Variants in CLTCL1 observed in about 807,000 individuals in gnomAD.
The protein encoded by CLTCL1 is clathrin heavy chain like 1.
In CLTCL1, 159 loss-of-function variants were observed where a neutral mutation model predicts 190.0. The observed-to-expected ratio is 0.84, with a 90% CI of 0.74 to 0.95. CLTCL1 has a LOEUF of 0.95. Ranked by LOEUF, CLTCL1 falls within the 40% of genes least tolerant of loss-of-function variation. CLTCL1 has a pLI of 0.00. For missense variants in CLTCL1, 1,878 were observed against 2,033.4 expected, an observed-to-expected ratio of 0.92 and a Z score of 1.47; for synonymous variants, 752 against 769.6, an observed-to-expected ratio of 0.98 and a Z score of 0.38.
intron 18 of CLTCL1, among the ~76,000 whole-genome samples, chr22:19,217,786 T>G (rs1555950339): frequency 6.7e-6 from 1 of 149,370 alleles, no homozygotes; most frequent in African/African-American, 2.5e-5. Flanking sequence ...AAGTGGAGGT[T>G]GCAGTGAGCC....
chr22:19,212,412 A>C (rs1337505911), intron 19 of CLTCL1, among the ~76,000 whole-genome samples: 11 of 151,370 alleles, frequency 7.3e-5, no homozygotes, highest in African/African-American at 2.2e-4. Context: ...AAAAAAAAAA[A>C]AACAACTAGC....
intron 18 of CLTCL1, among the ~76,000 whole-genome samples, chr22:19,218,274 T>A (rs1016145479): frequency 1.3e-5 from 2 of 152,210 alleles, no homozygotes. Flanking sequence ...GTGGCTGGAC[T>A]ATACCTGGAG....
chr22:19,267,119 T>C (rs1275602531), intron 2 of CLTCL1, among the ~76,000 whole-genome samples: 1 of 152,128 alleles, frequency 6.6e-6, no homozygotes, highest in Non-Finnish European at 1.5e-5. Flanking sequence ...AGAATAAGTT[T>C]AATAAGTATA....
At chr22:19,202,545 T>C (rs77080990) in intron 22 of CLTCL1, among the ~76,000 whole-genome samples, 1,123 of 13,608 alleles carry the variant, frequency 0.083, 6 homozygotes, top group East Asian at 0.16. Flanking sequence ...CCCCTCCTTC[T>C]GTCATCCATG....
chr22:19,252,315 C>T (rs2086617403), intron 3 of CLTCL1, among the ~76,000 whole-genome samples: 1 of 152,172 alleles, frequency 6.6e-6, no homozygotes, highest in African/African-American at 2.4e-5. Context: ...CAGTCTGGCC[C>T]CCAATCATCT....
In CLTCL1 at chr22:19,219,980, T is replaced by A. The variant is rs782282158; in HGVS notation, c.2824A>T (p.Ser942Cys). Residue 942 changes from serine (S) to cysteine (C), a missense_variant, in exon 18 of 33, where the codon AGC becomes TGC. By Grantham distance (112) the Ser-to-Cys change is moderately radical. Transcript: ENST00000427926. ...CTGCATACCAGGTAGCGGGCCTCGC[T>A]TTTGAACAGAGAATTCTCATTGCAC... ...KVCNENSLFK[S>C]EARYLVCRKD... 2.5e-6 allele frequency: 4 copies of A among 1,613,938 alleles called. No individual in the cohort carries two copies. The East Asian group carries it at 8.9e-5, about 36-fold the overall frequency.
chr22:19,195,857 T>TA (rs74936976), intron 26 of CLTCL1, among the ~76,000 whole-genome samples: 115 of 133,822 alleles, frequency 8.6e-4, no homozygotes, highest in African/African-American at 2.4e-3. Context: ...AGACATGAAC[T>TA]AAAAAAAAAA....
intron 2 of CLTCL1, among the ~76,000 whole-genome samples, chr22:19,272,988 C>A (rs554512412): frequency 6.7e-4 from 102 of 152,236 alleles, no homozygotes; most frequent in African/African-American, 2.4e-3. Flanking sequence ...GAGCCCCTTT[C>A]CAATCACAAA....
chr22:19,289,559 A>G (rs528166422), intron 1 of CLTCL1, among the ~76,000 whole-genome samples: 2 of 152,324 alleles, frequency 1.3e-5, no homozygotes, highest in Admixed American at 1.3e-4. Context: ...CAGCTATGAG[A>G]CAAGAGCTTC....
intron 2 of CLTCL1, 137 bp downstream of exon 2, chr22:19,275,486 G>T: frequency 2.2e-6 from 2 of 925,674 alleles, no homozygotes; most frequent in Non-Finnish European, 3.2e-6. Context: ...CATAACTTTT[G>T]CTAAAACTTT....
chr22:19,286,976 C>G (rs1177252083), intron 1 of CLTCL1, among the ~76,000 whole-genome samples: 1 of 152,150 alleles, frequency 6.6e-6, no homozygotes, highest in Non-Finnish European at 1.5e-5. Context: ...AACATGTTTA[C>G]GTTTTCTGTG....
chr22:19,256,354 C>CTTTTTTTTTTTTTTTTTTTTTTTTCT (rs1239133099), intron 2 of CLTCL1, among the ~76,000 whole-genome samples: 1 of 104,340 alleles, frequency 9.6e-6, no homozygotes, highest in Non-Finnish European at 1.9e-5. Flanking sequence ...TTTCTTTTAT[C>CTTTTTTTTTTTTTTTTTTTTTTTTCT]TTTTTTTTTT....
intron 3 of CLTCL1, among the ~76,000 whole-genome samples, chr22:19,244,142 T>C (rs782215796): frequency 1.3e-5 from 2 of 152,222 alleles, no homozygotes; most frequent in South Asian, 2.1e-4. Context: ...TGAGCTCACA[T>C]ATAGTCGTGG....
rs782295825 is a variant in CLTCL1 at position 19,257,755 on chromosome 22, A to G, written c.251-3528T>C. The G allele has an allele frequency of 4.4e-6, 6 of 1,371,596 alleles. No individual in the cohort carries two copies. In the South Asian group the frequency reaches 6.8e-5, roughly 16 times the overall value. The allele number at this position is 1,371,596 out of a possible 1,614,324, so 85.0% of individuals were successfully genotyped here. A position where few individuals can be genotyped will look rare whatever the true frequency, so the allele number is the denominator to read the frequency against. ...GGTCTGGCAGGAATAGGGGGCATCT[A>G]GAATGAGAAGGAGACCATGCAAAGC... On this transcript the variant is annotated intron_variant, in intron 2 of 32. Coordinates refer to ENST00000427926, the MANE Select transcript of CLTCL1 (RefSeq NM_007098.4).
chr22:19,235,174 T>TC (rs1316228879), intron 6 of CLTCL1, among the ~76,000 whole-genome samples: 1 of 151,978 alleles, frequency 6.6e-6, no homozygotes, highest in African/African-American at 2.4e-5. Context: ...CCGACTTTTT[T>TC]TTTTTTTTCC....
At position 19,216,191 on chromosome 22, in the gene CLTCL1, A is replaced by G; in HGVS notation, c.2985T>C (p.Phe995=). ...GTTCATTAGGCAGGTCGGCTGTCATAAAGGCTTTGACAGTGACCGAAATCT... is the reference window on the plus strand; with the variant it reads ...GTTCATTAGGCAGGTCGGCTGTCATGAAGGCTTTGACAGTGACCGAAATCT... ...PEEISVTVKA[F]MTADLPNELI... is the part of the protein sequence containing the mutation. Residue 995 remains phenylalanine, a synonymous_variant, in exon 19 of 33, where the codon TTT becomes TTC. Coordinates refer to ENST00000427926, the MANE Select transcript of CLTCL1 (RefSeq NM_007098.4). The G allele has an allele frequency of 6.2e-7, 1 of 1,613,948 alleles. No individual in the cohort carries two copies. Among genetic ancestry groups the G allele is most frequent in the East Asian group, 2.2e-5 (1 of 44,886 alleles).
chr22:19,220,923 G>A (rs182324923), intron 17 of CLTCL1, among the ~76,000 whole-genome samples: 3 of 152,288 alleles, frequency 2.0e-5, no homozygotes, highest in African/African-American at 7.2e-5. Context: ...GTCAGGTGAT[G>A]GGGAAGGGCT....
In CLTCL1 at chr22:19,222,703, A is replaced by G. The variant is rs1268828381; in HGVS notation, c.2399T>C (p.Ile800Thr). 6.3e-7 allele frequency: 1 copy of G among 1,592,566 alleles called. No homozygotes were observed. Among genetic ancestry groups the G allele is most frequent in the Non-Finnish European group, 8.5e-7 (1 of 1,169,598 alleles). Residue 800 changes from isoleucine to threonine, a missense_variant, in exon 15 of 33, where the codon ATT (isoleucine) becomes ACT (threonine). Ile to Thr is a moderately conservative substitution (Grantham distance 89). Coordinates refer to ENST00000427926, the MANE Select transcript of CLTCL1 (RefSeq NM_007098.4). ...CAGTACCTTCTGCACGTAGATCTCA[A>G]TGTACCTCTGCAGGTTGTTGCGGTA... ...YLYRNNLQRY[I>T]EIYVQKVNPS... is the part of the protein sequence containing the mutation.
chr22:19,291,426 A>C (rs1206479047), intron 1 of CLTCL1, among the ~76,000 whole-genome samples, 174 bp downstream of exon 1: 1 of 152,078 alleles, frequency 6.6e-6, no homozygotes, highest in Non-Finnish European at 1.5e-5. Context: ...GCGGGTCCTC[A>C]GGAGCGGCCG....
Sources: allele counts gnomAD v4.1 joint callset (sites outside exome capture counted in the v4.1 genomes callset), GRCh38; gene constraint gnomAD v4.1.1; transcripts MANE v1.5; gene names NCBI Gene and HGNC (gene_info 2026-07-23, HGNC 2026-07-21).